SLC17A7: variants seen among roughly 807,000 people sequenced by gnomAD.
The protein encoded by SLC17A7 is vesicular glutamate transporter 1.
Under a neutral mutation model 59.1 loss-of-function variants are expected in SLC17A7, and 15 were observed. The ratio of observed to expected loss-of-function variants is 0.25; its 90% CI spans 0.17 to 0.39. SLC17A7 has a LOEUF of 0.39. SLC17A7 is among the 10% of genes least tolerant of loss of function. The pLI is 1.00. For synonymous variants in SLC17A7, 353 were observed against 308.9 expected (o/e 1.14, Z -1.50); for missense variants, 499 against 765.1 (o/e 0.65, Z 4.10).
rs1047590328 is a variant in SLC17A7 at position 49,433,473 on chromosome 19, C to T, written c.867+253G>A. 1.6e-6 allele frequency: 1 copy of T among 631,830 alleles called. No individual in the cohort carries two copies. The highest frequency in any genetic ancestry group is 2.9e-6 in the Non-Finnish European group (1 of 346,674). The allele number at this position is 631,830 out of a possible 1,614,324, so 39.1% of individuals were successfully genotyped here. On this transcript the variant is annotated intron_variant, in intron 7 of 11. Transcript: ENST00000221485. The surrounding 1 kb of genome is among the most constrained non-coding windows in gnomAD (Gnocchi z 5.7). The stretch of plus-strand genomic sequence containing the variant: ...TAAGCAAAACCCCCACATTCTAATC[C>T]CTTCTCTGCTGGCTTTAACTATGCC...
At chr19:49,434,461 G>T in intron 5 of SLC17A7, 141 bp downstream of exon 5, 1 of 773,676 alleles carries the variant, frequency 1.3e-6, no homozygotes, top group South Asian at 2.0e-5. Context: ...CTCAGACCTG[G>T]GAGTCCAGGT....
At chr19:49,440,850 A>C (rs1395711300) in intron 1 of SLC17A7, among the ~76,000 whole-genome samples, 1 of 151,980 alleles carries the variant, frequency 6.6e-6, no homozygotes. Context: ...AGGAGTTGAT[A>C]GAGATCCAGT....
Position 49,430,686 on chromosome 19 carries a change from C to G in SLC17A7, c.1516G>C (p.Glu506Gln), listed in dbSNP as rs1407816914. The change falls in exon 12 of 12, where the codon GAG becomes CAG. Residue 506 changes from glutamate (E) to glutamine (Q), a missense_variant. Transcript: ENST00000221485. ...PWAEPEEMSE[E>Q]KCGFVGHDQL... is the part of the protein sequence containing the mutation. Reference sequence around the variant, plus strand: ...TCATGGCCAACGAAGCCACACTTCTCCTCGCTCATCTCCTCAGGCTCTGCC... The same window carrying G: ...TCATGGCCAACGAAGCCACACTTCTGCTCGCTCATCTCCTCAGGCTCTGCC... 1 of 1,614,154 alleles carries G rather than the reference C, an allele frequency of 6.2e-7. No homozygotes were observed. Among genetic ancestry groups the G allele is most frequent in the South Asian group, 1.1e-5 (1 of 91,088 alleles).
intron 5 of SLC17A7, 118 bp from the exon 6 acceptor site, chr19:49,434,164 T>C: frequency 1.4e-6 from 1 of 709,786 alleles, no homozygotes; most frequent in Non-Finnish European, 2.5e-6. Context: ...CCCTCCTCCC[T>C]TAGACCCAGG....
intron 1 of SLC17A7, chr19:49,437,098 A>AAT: frequency 2.0e-6 from 1 of 491,040 alleles, no homozygotes; most frequent in Non-Finnish European, 3.7e-6. Flanking sequence ...GACCCCAGAC[A>AAT]ACCCTTTGGG....
rs59848838 is a variant in SLC17A7, at chr19:49,432,779, G to A, written c.1017+32C>T. The A allele has an allele frequency of 9.3e-4, 1,453 of 1,569,028 alleles. 9 individuals are homozygous for A. The African/African-American group carries it at 0.018, about 19-fold the overall frequency. The stretch of plus-strand genomic sequence containing the variant: ...CCAGTTCCCTCCCGCCGACCCCTCC[G>A]CGCCCCCCTGCCCTCTCCTCCTGGG... On this transcript the variant is annotated intron_variant, in intron 8 of 11. Coordinates refer to ENST00000221485, the MANE Select transcript of SLC17A7 (RefSeq NM_020309.4).
In SLC17A7 at chr19:49,436,933, A is replaced by C. The variant is rs1600988331; in HGVS notation, c.63-132T>G. ...AGCCCGCACCTCCTCCTTCACCAAG[A>C]GTCCAGGTCCCTGGCTCCCTTCGCC... On this transcript the variant is annotated intron_variant, in intron 1 of 11. Coordinates refer to ENST00000221485, the MANE Select transcript of SLC17A7 (RefSeq NM_020309.4). This position sits in a 1 kb window ranked among gnomAD's most constrained non-coding sequence, Gnocchi z 4.1. 7.4e-7 allele frequency: 1 copy of C among 1,343,152 alleles called. No homozygotes were observed. The highest frequency in any genetic ancestry group is 1.5e-5 in the South Asian group (1 of 67,572). 83.2% of individuals were successfully genotyped at this position (1,343,152 alleles called of 1,614,324 possible). A position where few individuals can be genotyped will look rare whatever the true frequency, so the allele number is the denominator to read the frequency against.
rs59192444 is a variant in SLC17A7 at position 49,432,733 on chromosome 19, C to T, written c.1017+78G>A. 238 of 1,602,182 alleles carry T rather than the reference C, an allele frequency of 1.5e-4. 1 individual carries two copies. In the African/African-American group the frequency reaches 2.9e-3, roughly 20 times the overall value. On this transcript the variant is annotated intron_variant, in intron 8 of 11. Coordinates refer to ENST00000221485, the MANE Select transcript of SLC17A7 (RefSeq NM_020309.4). Reference sequence around the variant, plus strand: ...TGCCCGGTCCGTGCACCACCGGCTCCTCCCTGCCTCGGGATCGCCGCCAGT... The same window carrying T: ...TGCCCGGTCCGTGCACCACCGGCTCTTCCCTGCCTCGGGATCGCCGCCAGT...
intron 1 of SLC17A7, among the ~76,000 whole-genome samples, chr19:49,438,629 T>C (rs987094303): frequency 1.3e-5 from 2 of 148,926 alleles, no homozygotes; most frequent in African/African-American, 5.0e-5. Context: ...CCAGAAGGAG[T>C]AGGAATGAGA....
chr19:49,435,107 G>T, intron 3 of SLC17A7, 61 bp downstream of exon 3: 3 of 1,299,928 alleles, frequency 2.3e-6, no homozygotes, highest in South Asian at 2.4e-5. Flanking sequence ...TCAAGACCAC[G>T]CCCTCTAACT....
Position 49,435,206 on chromosome 19 carries a change from A to G in SLC17A7, c.396T>C (p.Ile132=). The G allele has an allele frequency of 6.2e-7, 1 of 1,614,154 alleles. No homozygotes were observed. Among genetic ancestry groups the G allele is most frequent in the Non-Finnish European group, 8.5e-7 (1 of 1,180,002 alleles). ...ATTTTTGACAGATAAATCCTCCTGGAATCTGAGTGACAATGTAGCCCCAGA... is the reference window on the plus strand; with the variant it reads ...ATTTTTGACAGATAAATCCTCCTGGGATCTGAGTGACAATGTAGCCCCAGA... ...SFFWGYIVTQ[I]PGGFICQKFA... The change falls in exon 3 of 12, where the codon ATT becomes ATC. Residue 132 remains isoleucine (I), a synonymous_variant. Transcript: ENST00000221485.
chr19:49,431,036 C>T lies in SLC17A7; in HGVS notation c.1368G>A (p.Val456=). 2.5e-6 allele frequency: 4 copies of T among 1,612,482 alleles called. No individual in the cohort carries two copies. Among genetic ancestry groups the T allele is most frequent in the Non-Finnish European group, 3.4e-6 (4 of 1,179,376 alleles). Residue 456 remains valine (V), a synonymous_variant, in exon 11 of 12, where the codon GTG becomes GTA. Coordinates refer to ENST00000221485, the MANE Select transcript of SLC17A7 (RefSeq NM_020309.4). This position sits in a 1 kb window ranked among gnomAD's most constrained non-coding sequence, Gnocchi z 4.6. The part of the protein sequence containing the change: ...TLSGMVCPII[V]GAMTKHKTRE... The stretch of plus-strand genomic sequence containing the variant: ...CCACCTTGTGCTTAGTCATGGCCCC[C>T]ACGATGATGGGGCACACCATGCCCG...
Position 49,432,795 on chromosome 19 carries a change from T to C in SLC17A7, c.1017+16A>G. 6.3e-7 allele frequency: 1 copy of C among 1,584,670 alleles called. No homozygotes were observed. The stretch of plus-strand genomic sequence containing the variant: ...GACCCCTCCGCGCCCCCCTGCCCTC[T>C]CCTCCTGGGCTCTACCTTGCTGATC... On this transcript the variant is annotated intron_variant, in intron 8 of 11. Transcript: ENST00000221485.
At position 49,433,867 on chromosome 19, in the gene SLC17A7, G is replaced by C; in HGVS notation, c.726C>G (p.Gly242=). The C allele has an allele frequency of 6.2e-7, 1 of 1,611,248 alleles. No homozygotes were observed. The highest frequency in any genetic ancestry group is 8.5e-7 in the Non-Finnish European group (1 of 1,177,982). ...SGWSSVFYVY[G]SFGIFWYLFW... is the part of the protein sequence containing the mutation. The stretch of plus-strand genomic sequence containing the variant: ...ACAGGTACCAGAAGATCCCGAAGCT[G>C]CCTGGGGGGGTCAGGAGGGGGATGG... The change falls in exon 7 of 12, where the codon GGC becomes GGG. Residue 242 remains glycine (G), a splice_region_variant and synonymous_variant. Transcript: ENST00000221485. The surrounding 1 kb of genome is among the most constrained non-coding windows in gnomAD (Gnocchi z 5.7).
Position 49,433,297 on chromosome 19 carries a change from G to C in SLC17A7, c.868-337C>G, listed in dbSNP as rs763841463. On this transcript the variant is annotated intron_variant, in intron 7 of 11. Coordinates refer to ENST00000221485, the MANE Select transcript of SLC17A7 (RefSeq NM_020309.4). The surrounding 1 kb of genome is among the most constrained non-coding windows in gnomAD (Gnocchi z 5.7). Reference sequence around the variant, plus strand: ...TGAGTAGAGACGGGGGTTTCGCCATGTTGCCCAAGCTGGTCTGGAACTCCT... The same window carrying C: ...TGAGTAGAGACGGGGGTTTCGCCATCTTGCCCAAGCTGGTCTGGAACTCCT... 5.1e-6 allele frequency: 2 copies of C among 393,048 alleles called. No individual in the cohort carries two copies. The highest frequency in any genetic ancestry group is 9.3e-6 in the Non-Finnish European group (2 of 214,744). The allele number at this position is 393,048 out of a possible 1,614,324, so 24.3% of individuals were successfully genotyped here. A position where few individuals can be genotyped will look rare whatever the true frequency, so the allele number is the denominator to read the frequency against.
In SLC17A7 at chr19:49,433,062, C is replaced by T; in HGVS notation, c.868-102G>A. The T allele has an allele frequency of 1.6e-6, 2 of 1,255,542 alleles. No individual in the cohort carries two copies. Among genetic ancestry groups the T allele is most frequent in the Non-Finnish European group, 2.2e-6 (2 of 905,552 alleles). 77.8% of individuals were successfully genotyped at this position (1,255,542 alleles called of 1,614,324 possible). On this transcript the variant is annotated intron_variant, in intron 7 of 11. Transcript: ENST00000221485. The surrounding 1 kb of genome is among the most constrained non-coding windows in gnomAD (Gnocchi z 5.7). ...TGTAGTTCTGCAGAAACCAAAGGAT[C>T]CCGACCGCACTGAAACTTCTATGGA...
chr19:49,437,911 G>C (rs2078985989), intron 1 of SLC17A7: 1 of 139,660 alleles, frequency 7.2e-6, no homozygotes, highest in South Asian at 2.4e-4. Context: ...GAGAATAACA[G>C]GGGAGCAGAG....
Position 49,431,452 on chromosome 19 carries a change from C to T in SLC17A7, c.1151-4G>A, listed in dbSNP as rs1345781816. 1.4e-5 allele frequency: 23 copies of T among 1,610,298 alleles called. No individual in the cohort carries two copies. Among genetic ancestry groups the T allele is most frequent in the Non-Finnish European group, 2.0e-5 (23 of 1,178,358 alleles). ...AGCGTGGCTTCCATGCCGAAGCCTA[C>T]GGGGGCGGGGGGGGCCCGCGTCTCC... On this transcript the variant is annotated splice_region_variant and splice_polypyrimidine_tract_variant and intron_variant, in intron 9 of 11. Transcript: ENST00000221485. The surrounding 1 kb of genome is among the most constrained non-coding windows in gnomAD (Gnocchi z 4.6).
In SLC17A7 at chr19:49,431,295, G is replaced by T. The variant is rs768950536; in HGVS notation, c.1261+43C>A. On this transcript the variant is annotated intron_variant, in intron 10 of 11. Transcript: ENST00000221485. This position sits in a 1 kb window ranked among gnomAD's most constrained non-coding sequence, Gnocchi z 4.6. ...TTCCTGAGCCAGGAAGTTCCCTACAGAGCTGACCAGAGTCCCCCAAGCTGC... is the reference window on the plus strand; with the variant it reads ...TTCCTGAGCCAGGAAGTTCCCTACATAGCTGACCAGAGTCCCCCAAGCTGC... 2.5e-6 allele frequency: 4 copies of T among 1,606,592 alleles called. No homozygotes were observed. The South Asian group carries it at 4.4e-5, about 18-fold the overall frequency.
Sources: gnomAD v4.1 joint callset for allele counts (sites outside exome capture counted in the v4.1 genomes callset) on GRCh38, gnomAD v4.1.1 for gene constraint, Gnocchi (gnomAD v3.1) non-coding constraint, MANE v1.5 for transcripts, NCBI Gene and HGNC (gene_info 2026-07-23, HGNC 2026-07-21) for gene names.